SAXO1: variants seen among roughly 807,000 people sequenced by gnomAD.
SAXO1 encodes stabilizer of axonemal microtubules 1.
SAXO1 carries 21 observed loss-of-function variants against 17.5 expected under a neutral mutation model. That is an observed-to-expected ratio of 1.20 (90% confidence interval 0.85 to 1.72). The LOEUF is 1.72. Among genes scored for constraint, SAXO1 ranks in the 40% most tolerant of loss-of-function variants. The pLI is 0.00. For missense variants in SAXO1, 843 were observed against 596.0 expected, an observed-to-expected ratio of 1.41 and a Z score of -4.32; for synonymous variants, 274 against 216.5, an observed-to-expected ratio of 1.27 and a Z score of -2.33.
intron 1 of SAXO1, among the ~76,000 whole-genome samples, chr9:19,015,984 C>G (rs1834958891): frequency 6.6e-6 from 1 of 152,142 alleles, no homozygotes; most frequent in African/African-American, 2.4e-5. Flanking sequence ...TCAAACAGCT[C>G]TCCAGTTGAT....
chr9:19,011,215 T>C (rs147589494), intron 1 of SAXO1, among the ~76,000 whole-genome samples: 1 of 152,334 alleles, frequency 6.6e-6, no homozygotes, highest in East Asian at 1.9e-4. Flanking sequence ...GTGACTGAAC[T>C]TCAGTATCAA....
At chr9:18,966,788 G>C (rs1022850298) in intron 1 of SAXO1, among the ~76,000 whole-genome samples, 52 of 152,126 alleles carry the variant, frequency 3.4e-4, no homozygotes, top group African/African-American at 1.2e-3. Context: ...TCCTTTACTG[G>C]TGAGGAGTTG....
At chr9:18,961,698 T>A (rs1034956911) in intron 1 of SAXO1, among the ~76,000 whole-genome samples, 2 of 152,214 alleles carry the variant, frequency 1.3e-5, no homozygotes, top group Non-Finnish European at 2.9e-5. Context: ...CAGTATTCCA[T>A]GGTGTATATG....
chr9:19,036,254 T>TAA (rs66796545), upstream of SAXO1, among the ~76,000 whole-genome samples: 7 of 119,804 alleles, frequency 5.8e-5, no homozygotes, highest in African/African-American at 1.9e-4. Context: ...TAAAGTATAA[T>TAA]AAAAAAAAAA....
chr9:19,015,456 G>T (rs1160502678), intron 1 of SAXO1, among the ~76,000 whole-genome samples: 1 of 152,138 alleles, frequency 6.6e-6, no homozygotes, highest in Non-Finnish European at 1.5e-5. Flanking sequence ...TGATTCTCAT[G>T]CCTCCACTTC....
chr9:19,038,047 C>A (rs1196161670), upstream of SAXO1, among the ~76,000 whole-genome samples: 1 of 152,144 alleles, frequency 6.6e-6, no homozygotes. Context: ...CAAATCAAAA[C>A]CACAATGAGA....
chr9:18,973,045 G>T (rs1377125856), intron 1 of SAXO1, among the ~76,000 whole-genome samples: 2 of 152,182 alleles, frequency 1.3e-5, no homozygotes, highest in Non-Finnish European at 2.9e-5. Context: ...GGCTGCACGG[G>T]GAGCTGCAAA....
chr9:18,940,470 C>G (rs1020660989), intron 3 of SAXO1, among the ~76,000 whole-genome samples: 1 of 152,224 alleles, frequency 6.6e-6, no homozygotes, highest in Non-Finnish European at 1.5e-5. Flanking sequence ...CAACTAAGCA[C>G]AGGGTCCTCC....
intron 1 of SAXO1, chr9:19,027,942 C>CCTGACGTGAACTGCGAGGGAG (rs1835572135): frequency 5.6e-6 from 8 of 1,430,392 alleles, no homozygotes; most frequent in Non-Finnish European, 7.8e-6. Flanking sequence ...GAACGTCAGT[C>CCTGACGTGAACTGCGAGGGAG]CTGACGTGAA....
At chr9:18,966,802 T>A (rs1419297273) in intron 1 of SAXO1, among the ~76,000 whole-genome samples, 3 of 152,190 alleles carry the variant, frequency 2.0e-5, no homozygotes, top group Non-Finnish European at 4.4e-5. Flanking sequence ...GGAGTTGTGA[T>A]CCTTTGGGGG....
intron 1 of SAXO1, among the ~76,000 whole-genome samples, chr9:19,030,874 T>C (rs374044197): frequency 5.9e-5 from 9 of 152,058 alleles, no homozygotes; most frequent in African/African-American, 2.2e-4. Context: ...ATGAGACAGA[T>C]GGATCACCAA....
intron 1 of SAXO1, among the ~76,000 whole-genome samples, chr9:18,985,353 T>C (rs148226079): frequency 4.6e-5 from 7 of 152,278 alleles, no homozygotes; most frequent in African/African-American, 1.7e-4. Context: ...CGCATGGTAT[T>C]GGAAAAACAG....
At chr9:19,029,768 TTAG>T (rs1322055829) in intron 1 of SAXO1, among the ~76,000 whole-genome samples, 3 of 152,222 alleles carry the variant, frequency 2.0e-5, no homozygotes, top group Non-Finnish European at 4.4e-5. Flanking sequence ...AACTGAATTT[TTAG>T]TTTTATTTAA....
chr9:19,000,290 G>A (rs573605911), intron 1 of SAXO1, among the ~76,000 whole-genome samples: 45 of 148,230 alleles, frequency 3.0e-4, no homozygotes, highest in Non-Finnish European at 3.7e-4. Context: ...CTGCCCAGCC[G>A]CCCCACCCTC....
chr9:19,020,295 T>C (rs1392630736), intron 1 of SAXO1, among the ~76,000 whole-genome samples: 4 of 152,206 alleles, frequency 2.6e-5, no homozygotes, highest in Non-Finnish European at 5.9e-5. Context: ...TGCTTACTCT[T>C]GCTAAGTTCC....
intron 2 of SAXO1, among the ~76,000 whole-genome samples, chr9:18,944,001 T>C (rs957443099): frequency 1.1e-4 from 16 of 152,230 alleles, no homozygotes; most frequent in East Asian, 1.9e-4. Context: ...AGCACGCTTA[T>C]TGCGCATCTC....
intron 1 of SAXO1, among the ~76,000 whole-genome samples, chr9:19,047,969 G>T (rs553212028): frequency 2.0e-5 from 3 of 152,294 alleles, no homozygotes; most frequent in African/African-American, 7.2e-5. Context: ...GTAGCACCAA[G>T]GAGATGAAAC....
At chr9:18,978,804 C>T (rs568691348) in intron 1 of SAXO1, among the ~76,000 whole-genome samples, 6 of 152,286 alleles carry the variant, frequency 3.9e-5, no homozygotes, top group South Asian at 2.1e-4. Flanking sequence ...AAATAATTTG[C>T]CCAAGAGCCA....
intron 1 of SAXO1, among the ~76,000 whole-genome samples, chr9:19,046,130 A>C (rs34395443): frequency 1.3e-5 from 2 of 151,484 alleles, no homozygotes; most frequent in African/African-American, 2.4e-5. Flanking sequence ...ACATACAAAC[A>C]AAAGAAACTT....
Sources: allele counts gnomAD v4.1 joint callset (sites outside exome capture counted in the v4.1 genomes callset), GRCh38; gene constraint gnomAD v4.1.1; transcripts MANE v1.5; gene names NCBI Gene and HGNC (gene_info 2026-07-23, HGNC 2026-07-21).